The following DSG1 variants were observed in gnomAD, a reference collection of about 807,000 sequenced individuals.
The protein encoded by DSG1 is desmoglein-1.
A neutral mutation model predicts 97.5 loss-of-function variants in DSG1; 39 were observed. That is an observed-to-expected ratio of 0.40 (90% CI 0.31 to 0.52). DSG1 has a LOEUF of 0.52. Ranked by LOEUF, DSG1 falls within the 20% of genes least tolerant of loss-of-function variation. The pLI is 0.53. For missense variants in DSG1, 1,311 were observed against 1,295.4 expected (o/e 1.01, Z -0.18); for synonymous variants, 475 against 443.4 (o/e 1.07, Z -0.90).
intron 5 of DSG1, among the ~76,000 whole-genome samples, chr18:31,330,321 C>T (rs924262567): frequency 4.6e-5 from 7 of 152,040 alleles, no homozygotes; most frequent in African/African-American, 1.7e-4. Flanking sequence ...GCAGAGGCAT[C>T]GGGATGTGAA....
rs1261461374 is a variant in DSG1, at chr18:31,339,870, C to T, written c.1532C>T (p.Ser511Phe). Reference protein sequence around the residue: ...TTNTGRQESTSSTNYDTSTTS... With the variant: ...TTNTGRQESTFSTNYDTSTTS... ...AATACTGGCAGACAAGAAAGTACTTCTTCCACTAACTATGATACCAGCACA... is the reference window on the plus strand; with the variant it reads ...AATACTGGCAGACAAGAAAGTACTTTTTCCACTAACTATGATACCAGCACA... The change falls in exon 11 of 15, where the codon TCT becomes TTT. Residue 511 changes from serine (S) to phenylalanine (F), a missense_variant. Ser to Phe is a radical substitution (Grantham distance 155). Coordinates refer to ENST00000257192, the MANE Select transcript of DSG1 (RefSeq NM_001942.4). The T allele has an allele frequency of 1.9e-6, 3 of 1,614,090 alleles. No homozygotes were observed. The highest frequency in any genetic ancestry group is 2.2e-5 in the East Asian group (1 of 44,846).
Position 31,354,829 on chromosome 18 carries a change from A to C in DSG1, c.2633A>C (p.His878Pro). The C allele has an allele frequency of 6.2e-7, 1 of 1,614,120 alleles. No homozygotes were observed. ...GGCCCAATCTCTGGCGCTGATTTGC[A>C]TGGAATGTTAGAGATGCCTGACTTG... ...VVGPISGADL[H>P]GMLEMPDLRD... The change falls in exon 15 of 15, where the codon CAT becomes CCT. Residue 878 changes from histidine (H) to proline (P), a missense_variant. Transcript: ENST00000257192.
rs1379911546 is a variant in DSG1 at position 31,346,177 on chromosome 18, C to T, written c.2079C>T (p.Phe693=). The change falls in exon 14 of 15, where the codon TTC becomes TTT. Residue 693 remains phenylalanine, a synonymous_variant. Transcript: ENST00000257192. ...GAGAAGGAGGTCTGAATATGAATTTCATGGAAAGCTACTTCTGTCAGGTAA... is the reference window on the plus strand; with the variant it reads ...GAGAAGGAGGTCTGAATATGAATTTTATGGAAAGCTACTTCTGTCAGGTAA... ...ECREGGLNMN[F]MESYFCQKAY... The T allele has an allele frequency of 1.9e-6, 3 of 1,613,706 alleles. No homozygotes were observed. In the South Asian group the frequency reaches 3.3e-5, roughly 18 times the overall value.
In DSG1 at chr18:31,351,098, G is replaced by A. The variant is rs980565592; in HGVS notation, c.2101-3199G>A. Among the ~76,000 whole-genome samples, 75 of 147,762 alleles carry A rather than the reference G, an allele frequency of 5.1e-4. No individual in the cohort carries two copies. The South Asian group carries it at 5.8e-3, about 11-fold the overall frequency. ...TGGGATCTTTCCTGCTTTCTCTTGT[G>A]GGCATTTAGTGCTATAAATTTCCCT... On this transcript the variant is annotated intron_variant, in intron 14 of 14. Coordinates refer to ENST00000257192, the MANE Select transcript of DSG1 (RefSeq NM_001942.4).
chr18:31,332,845 T>G (rs9962740), intron 6 of DSG1, among the ~76,000 whole-genome samples: 31 of 151,874 alleles, frequency 2.0e-4, no homozygotes, highest in Non-Finnish European at 4.1e-4. Flanking sequence ...TACACTTTTC[T>G]CTCTCAAACT....
At chr18:31,340,263 C>A (rs991629081) in intron 11 of DSG1, among the ~76,000 whole-genome samples, 4 of 151,664 alleles carry the variant, frequency 2.6e-5, no homozygotes, top group Non-Finnish European at 5.9e-5. Flanking sequence ...TGGGAAAGTG[C>A]CATAACAAGC....
intron 9 of DSG1, among the ~76,000 whole-genome samples, chr18:31,337,384 G>T (rs891424820): frequency 1.1e-4 from 17 of 152,056 alleles, no homozygotes; most frequent in Admixed American, 1.1e-3. Flanking sequence ...AGCCTCCCAA[G>T]TAGCTGGGAT....
chr18:31,342,221 C>A (rs2071794268), intron 11 of DSG1, among the ~76,000 whole-genome samples: 1 of 152,110 alleles, frequency 6.6e-6, no homozygotes, highest in Admixed American at 6.5e-5. Context: ...CGTGAGCCAC[C>A]GCGCCCGTCC....
At position 31,354,631 on chromosome 18, in the gene DSG1, G is replaced by A. The variant is rs991660299; in HGVS notation, c.2435G>A (p.Ser812Asn). Reference sequence around the variant, plus strand: ...GGCACTACCACAGTAATTTCTGAGAGCACCTATCCCTCGGGACCTGGTGTA... The same window carrying A: ...GGCACTACCACAGTAATTTCTGAGAACACCTATCCCTCGGGACCTGGTGTA... ...HFGTTTVISE[S>N]TYPSGPGVLH... The change falls in exon 15 of 15, where the codon AGC (serine) becomes AAC (asparagine). Residue 812 changes from serine to asparagine, a missense_variant. Physicochemically the swap from Ser to Asn is conservative, Grantham distance 46. This residue lies in a region of DSG1 where 1,038 missense variants were observed against 964.6 expected (regional missense o/e 1.08). Transcript: ENST00000257192. 1.5e-5 allele frequency: 25 copies of A among 1,614,042 alleles called. No homozygotes were observed. The highest frequency in any genetic ancestry group is 2.1e-5 in the Non-Finnish European group (25 of 1,180,028).
chr18:31,343,021 C>T, intron 11 of DSG1, among the ~76,000 whole-genome samples: 1 of 151,916 alleles, frequency 6.6e-6, no homozygotes, highest in Non-Finnish European at 1.5e-5. Flanking sequence ...AGCCATCCTC[C>T]CACCTCAGCC....
Position 31,343,542 on chromosome 18 carries a change from A to G in DSG1, c.1780A>G (p.Ile594Val). 1 of 1,614,150 alleles carries G rather than the reference A, an allele frequency of 6.2e-7. No homozygotes were observed. The highest frequency in any genetic ancestry group is 8.5e-7 in the Non-Finnish European group (1 of 1,180,040). The change falls in exon 12 of 15, where the codon ATT becomes GTT. Residue 594 changes from isoleucine (I) to valine (V), a missense_variant. Coordinates refer to ENST00000257192, the MANE Select transcript of DSG1 (RefSeq NM_001942.4). ...TGTTCCCGAATGTTCAGATGGAGCA[A>G]TTCATTCATGGGCAGTAGAAGGACC... Reference protein sequence around the residue: ...EPVPECSDGAIHSWAVEGPQP... With the variant: ...EPVPECSDGAVHSWAVEGPQP...
intron 7 of DSG1, 84 bp downstream of exon 7, chr18:31,333,807 T>C: frequency 6.6e-7 from 1 of 1,526,276 alleles, no homozygotes; most frequent in Non-Finnish European, 9.1e-7. Flanking sequence ...CAGAGGCACA[T>C]GTTATGTTTA....
chr18:31,339,888 C>G lies in DSG1; in HGVS notation c.1550C>G (p.Thr517Ser). 1.2e-6 allele frequency: 2 copies of G among 1,614,068 alleles called. No homozygotes were observed. The highest frequency in any genetic ancestry group is 2.2e-5 in the South Asian group (2 of 91,086). Residue 517 changes from threonine to serine, a missense_variant, in exon 11 of 15, where the codon ACC becomes AGC. Coordinates refer to ENST00000257192, the MANE Select transcript of DSG1 (RefSeq NM_001942.4). The part of the protein sequence containing the change: ...QESTSSTNYD[T>S]STTSTDSSQV... ...AGTACTTCTTCCACTAACTATGATA[C>G]CAGCACAACTTCTACTGACTCTAGC... is the stretch of plus-strand genomic sequence containing the variant.
intron 10 of DSG1, among the ~76,000 whole-genome samples, 172 bp downstream of exon 10, chr18:31,338,626 AG>A (rs1379274934): frequency 6.6e-6 from 1 of 152,196 alleles, no homozygotes; most frequent in Non-Finnish European, 1.5e-5. Context: ...TTAGTAGCTA[AG>A]ACCATGAGTC....
chr18:31,357,947 G>T lies in DSG1; in HGVS notation c.*2601G>T, dbSNP rs1316493387. ...CAACGATTTTAGTAGTTATTTAAAG[G>T]CATGTCATTTTTCAATGAAGAAGTT... On this transcript the variant is annotated 3_prime_UTR_variant, in exon 15 of 15. Transcript: ENST00000257192. Among the ~76,000 whole-genome samples the T allele has an allele frequency of 6.6e-6, 1 of 151,752 alleles. No homozygotes were observed. Among genetic ancestry groups the T allele is most frequent in the African/African-American group, 2.4e-5 (1 of 41,344 alleles).
intron 10 of DSG1, among the ~76,000 whole-genome samples, chr18:31,339,502 T>G (rs2071774966): frequency 6.6e-6 from 1 of 151,958 alleles, no homozygotes; most frequent in Non-Finnish European, 1.5e-5. Context: ...CTATTGGTAA[T>G]GTAAAGAAAT....
intron 13 of DSG1, 87 bp downstream of exon 13, chr18:31,344,082 A>AT (rs2071811266): frequency 9.9e-7 from 1 of 1,006,670 alleles, no homozygotes. Context: ...TAATTATCTT[A>AT]TTTTTCTTCA....
At chr18:31,329,103 G>A (rs2071704645) in intron 4 of DSG1, among the ~76,000 whole-genome samples, 1 of 152,064 alleles carries the variant, frequency 6.6e-6, no homozygotes, top group Non-Finnish European at 1.5e-5. Flanking sequence ...AGGATCAATT[G>A]TTTGCTTTTT....
chr18:31,330,182 G>C, intron 5 of DSG1, 146 bp downstream of exon 5: 1 of 1,059,952 alleles, frequency 9.4e-7, no homozygotes. Context: ...AACTACGGAA[G>C]CAGCTCCAAA....
Sources: gnomAD v4.1 joint callset for allele counts (sites outside exome capture counted in the v4.1 genomes callset) on GRCh38, gnomAD v4.1.1 for gene constraint, gnomAD v4.1.1 regional missense constraint, MANE v1.5 for transcripts, NCBI Gene and HGNC (gene_info 2026-07-23, HGNC 2026-07-21) for gene names.